The following PHACTR3 variants were observed in gnomAD, a reference collection of about 807,000 sequenced individuals.
PHACTR3 encodes protein phosphatase 1, regulatory subunit 123.
PHACTR3 carries 16 observed loss-of-function variants against 66.8 expected under a neutral mutation model. The observed-to-expected ratio is 0.24, with a 90% CI of 0.16 to 0.36. The LOEUF (loss-of-function observed/expected upper bound fraction) is 0.36. Among genes scored for constraint, PHACTR3 ranks in the 10% least tolerant of loss-of-function variants. The pLI, the probability that PHACTR3 is intolerant of heterozygous loss-of-function variation, is 1.00. For missense variants in PHACTR3, 647 were observed against 719.9 expected (o/e 0.90, Z 1.16); for synonymous variants, 323 against 292.1 (o/e 1.11, Z -1.08).
intron 8 of PHACTR3, among the ~76,000 whole-genome samples, chr20:59,813,660 A>C (rs1336801665): frequency 1.3e-4 from 20 of 152,114 alleles, no homozygotes; most frequent in Non-Finnish European, 1.5e-5. Context: ...CAGACCAGCC[A>C]GTGAGAGCTC....
At chr20:59,622,990 A>AAAAAAACAAAAAAAC (rs1555879288) in intron 1 of PHACTR3, among the ~76,000 whole-genome samples, 1 of 141,934 alleles carries the variant, frequency 7.0e-6, no homozygotes, top group African/African-American at 2.6e-5. Context: ...CCAAAAAAAA[A>AAAAAAACAAAAAAAC]AAAAAAAAAA....
rs548021353 is a variant in PHACTR3, at chr20:59,678,150, A to AT, written c.119-64948dup. The stretch of plus-strand genomic sequence containing the variant: ...CTCTGTCTACACGGAATAGATATAG[A>AT]TTTTTTTTTCCTGTATGTTTTGGGT... On this transcript the variant is annotated intron_variant, in intron 1 of 12. Coordinates refer to ENST00000371015, the MANE Select transcript of PHACTR3 (RefSeq NM_080672.5). 9.6e-4 allele frequency among the ~76,000 whole-genome samples: 146 copies of AT among 151,412 alleles called. 1 individual carries two copies. In the Middle Eastern group the frequency reaches 0.01, roughly 11 times the overall value.
intron 1 of PHACTR3, among the ~76,000 whole-genome samples, chr20:59,588,858 AG>A (rs1243453710): frequency 6.6e-6 from 1 of 152,248 alleles, no homozygotes; most frequent in East Asian, 1.9e-4. Flanking sequence ...ACACTCCTCC[AG>A]CCTGGCAAGT....
intron 7 of PHACTR3, among the ~76,000 whole-genome samples, chr20:59,792,874 ATATC>A (rs908202092): frequency 1.3e-5 from 2 of 152,146 alleles, no homozygotes; most frequent in Admixed American, 1.3e-4. Context: ...GCTTTGTAGT[ATATC>A]TATTTATTTT....
At chr20:59,595,450 C>CA (rs886277110) in intron 1 of PHACTR3, among the ~76,000 whole-genome samples, 4 of 152,068 alleles carry the variant, frequency 2.6e-5, no homozygotes, top group African/African-American at 9.7e-5. Context: ...AAAATAAAAA[C>CA]AAAAATAGTA....
chr20:59,718,736 G>A (rs1016708201), intron 1 of PHACTR3, among the ~76,000 whole-genome samples: 4 of 152,322 alleles, frequency 2.6e-5, no homozygotes, highest in Middle Eastern at 6.8e-3. Flanking sequence ...AATCTAATGC[G>A]AGTTAAATTA....
chr20:59,748,916 G>A (rs1257081368), intron 3 of PHACTR3, among the ~76,000 whole-genome samples: 2 of 152,178 alleles, frequency 1.3e-5, no homozygotes, highest in African/African-American at 2.4e-5. Context: ...ATGCAGCCGG[G>A]CCTGTCAGCA....
chr20:59,719,034 G>GT (rs1488419708), intron 1 of PHACTR3, among the ~76,000 whole-genome samples: 2 of 152,206 alleles, frequency 1.3e-5, no homozygotes, highest in Non-Finnish European at 2.9e-5. Flanking sequence ...TTGCATGAGG[G>GT]TTTTTTTCTT....
intron 1 of PHACTR3, among the ~76,000 whole-genome samples, chr20:59,725,904 G>T (rs185500251): frequency 6.6e-6 from 1 of 152,194 alleles, no homozygotes; most frequent in African/African-American, 2.4e-5. Flanking sequence ...GAGCTGGGAG[G>T]CTCCACAGCC....
Position 59,747,849 on chromosome 20 carries a change from G to T in PHACTR3, c.358+14G>T, listed in dbSNP as rs370043306. ...TGATGGAGCAGGGTAAGTGGGACCC[G>T]TCCCTGGCTTGGAAGGGCACGGTGC... On this transcript the variant is annotated intron_variant, in intron 3 of 12. Coordinates refer to ENST00000371015, the MANE Select transcript of PHACTR3 (RefSeq NM_080672.5). 5.6e-6 allele frequency: 9 copies of T among 1,612,610 alleles called. No individual in the cohort carries two copies. Among genetic ancestry groups the T allele is most frequent in the Non-Finnish European group, 7.6e-6 (9 of 1,179,140 alleles).
chr20:59,689,115 G>A (rs1356749879), intron 1 of PHACTR3, among the ~76,000 whole-genome samples: 2 of 152,222 alleles, frequency 1.3e-5, no homozygotes, highest in South Asian at 2.1e-4. Flanking sequence ...CAACTTCTCT[G>A]CTGTGTGCAG....
intron 1 of PHACTR3, among the ~76,000 whole-genome samples, chr20:59,696,744 C>G (rs1249996422): frequency 6.6e-6 from 1 of 152,122 alleles, no homozygotes; most frequent in African/African-American, 2.4e-5. Flanking sequence ...TTGAGGAGAG[C>G]CAGGCCAGCA....
intron 1 of PHACTR3, chr20:59,628,775 G>C: frequency 1.0e-6 from 1 of 985,538 alleles, no homozygotes; most frequent in South Asian, 4.7e-5. Context: ...GCTGGGAAGA[G>C]GACTGAGAAG....
intron 8 of PHACTR3, among the ~76,000 whole-genome samples, chr20:59,823,130 G>A (rs1051311759): frequency 1.3e-5 from 2 of 152,306 alleles, no homozygotes; most frequent in African/African-American, 2.4e-5. Flanking sequence ...GGAGCATTAC[G>A]TATTCTTTCC....
chr20:59,663,368 G>A (rs1226369204), intron 1 of PHACTR3, among the ~76,000 whole-genome samples: 4 of 152,200 alleles, frequency 2.6e-5, no homozygotes, highest in African/African-American at 9.7e-5. Context: ...GGGTGGAGAC[G>A]TGGAGGACAG....
intron 1 of PHACTR3, among the ~76,000 whole-genome samples, chr20:59,694,009 A>G (rs1035536474): frequency 3.9e-5 from 6 of 152,336 alleles, no homozygotes; most frequent in African/African-American, 1.4e-4. Context: ...TTCACTGCAG[A>G]GGGGCCTAGT....
intron 1 of PHACTR3, among the ~76,000 whole-genome samples, chr20:59,688,429 T>C (rs768322367): frequency 5.3e-5 from 8 of 152,230 alleles, no homozygotes; most frequent in Non-Finnish European, 1.0e-4. Context: ...ATCTGCTTTA[T>C]GGGAAACCAC....
At chr20:59,646,920 A>C (rs549773326) in intron 1 of PHACTR3, among the ~76,000 whole-genome samples, 186 of 152,346 alleles carry the variant, frequency 1.2e-3, no homozygotes, top group African/African-American at 4.4e-3. Context: ...GAGGAAGCCC[A>C]AGGTGGGACC....
intron 1 of PHACTR3, among the ~76,000 whole-genome samples, chr20:59,637,994 G>A (rs753451608): frequency 1.2e-4 from 18 of 152,164 alleles, no homozygotes; most frequent in Non-Finnish European, 2.4e-4. Context: ...GCTCAGGGAA[G>A]TATGGGAATA....
Sources: gnomAD v4.1 joint callset for allele counts (sites outside exome capture counted in the v4.1 genomes callset) on GRCh38, gnomAD v4.1.1 for gene constraint, MANE v1.5 for transcripts, NCBI Gene and HGNC (gene_info 2026-07-23, HGNC 2026-07-21) for gene names.